Variants in DDX10 observed in about 807,000 individuals in gnomAD.
DDX10 encodes probable ATP-dependent RNA helicase DDX10.
In DDX10, 74 loss-of-function variants were observed where a neutral mutation model predicts 104.3. The observed-to-expected ratio is 0.71, with a 90% CI of 0.59 to 0.86. The LOEUF (loss-of-function observed/expected upper bound fraction) is 0.86. DDX10 is among the 40% of genes least tolerant of loss of function. The pLI, the probability that DDX10 is intolerant of heterozygous loss-of-function variation, is 0.00. For missense variants in DDX10, 952 were observed against 1,040.0 expected (o/e 0.92, Z 1.16); for synonymous variants, 351 against 353.4 (o/e 0.99, Z 0.08).
intron 13 of DDX10, among the ~76,000 whole-genome samples, chr11:108,766,883 A>G (rs2094357006): frequency 6.6e-6 from 1 of 152,196 alleles, no homozygotes; most frequent in South Asian, 2.1e-4. Flanking sequence ...TGCAGCCATC[A>G]GGACTTTAGG....
intron 1 of DDX10, 25 bp from the exon 2 acceptor site, chr11:108,673,442 C>T: frequency 6.7e-7 from 1 of 1,498,242 alleles, no homozygotes; most frequent in Non-Finnish European, 9.3e-7. Flanking sequence ...ATGAGTTACC[C>T]TGATTCCTTT....
chr11:108,678,906 T>TTA (rs1390294879), intron 5 of DDX10, among the ~76,000 whole-genome samples: 1 of 146,488 alleles, frequency 6.8e-6, no homozygotes, highest in African/African-American at 2.6e-5. Flanking sequence ...TATACAGAGT[T>TTA]TCGCTCTGTT....
intron 16 of DDX10, among the ~76,000 whole-genome samples, chr11:108,882,527 C>T (rs1863240743): frequency 6.6e-6 from 1 of 152,174 alleles, no homozygotes; most frequent in Admixed American, 6.5e-5. Context: ...TGTGAAGAAA[C>T]ATGTTTTAAA....
intron 14 of DDX10, among the ~76,000 whole-genome samples, chr11:108,840,585 C>T (rs1862623597): frequency 6.6e-6 from 1 of 152,168 alleles, no homozygotes; most frequent in Non-Finnish European, 1.5e-5. Flanking sequence ...GACAGGTCCC[C>T]TCATTAGCAG....
chr11:108,820,356 A>AT (rs1263808963), intron 13 of DDX10, among the ~76,000 whole-genome samples: 13 of 152,224 alleles, frequency 8.5e-5, no homozygotes, highest in Admixed American at 1.3e-4. Context: ...GGAAAAGGGA[A>AT]TATTTACAAA....
intron 16 of DDX10, among the ~76,000 whole-genome samples, chr11:108,865,426 T>A (rs1862996907): frequency 6.6e-6 from 1 of 152,182 alleles, no homozygotes; most frequent in Admixed American, 6.5e-5. Flanking sequence ...CATGTAATAT[T>A]TTTGAGGTGT....
intron 10 of DDX10, among the ~76,000 whole-genome samples, chr11:108,713,052 A>G (rs555184552): frequency 9.2e-5 from 14 of 152,234 alleles, no homozygotes; most frequent in East Asian, 3.9e-4. Flanking sequence ...TTGTTCCTCT[A>G]TAGATGAGGT....
chr11:108,710,965 A>G (rs911147499), intron 10 of DDX10, among the ~76,000 whole-genome samples: 1 of 152,176 alleles, frequency 6.6e-6, no homozygotes, highest in African/African-American at 2.4e-5. Context: ...AGGTCTCACT[A>G]TGTTGCTGAG....
intron 16 of DDX10, among the ~76,000 whole-genome samples, chr11:108,897,602 C>T (rs752886890): frequency 3.9e-5 from 6 of 151,958 alleles, no homozygotes; most frequent in East Asian, 1.9e-4. Flanking sequence ...GATGGAGTGG[C>T]GTTCTTTGCA....
intron 16 of DDX10, among the ~76,000 whole-genome samples, chr11:108,872,541 C>T (rs1009888620): frequency 6.6e-6 from 1 of 152,132 alleles, no homozygotes; most frequent in African/African-American, 2.4e-5. Context: ...ATATTCTCCC[C>T]AGGTTTAGAC....
At chr11:108,891,870 A>G (rs1284464241) in intron 16 of DDX10, among the ~76,000 whole-genome samples, 1 of 150,586 alleles carries the variant, frequency 6.6e-6, no homozygotes, top group Non-Finnish European at 1.5e-5. Context: ...TGAAGAGCTA[A>G]CAGGGTAGTA....
intron 13 of DDX10, among the ~76,000 whole-genome samples, chr11:108,831,153 C>T (rs1462569298): frequency 6.6e-6 from 1 of 152,056 alleles, no homozygotes; most frequent in East Asian, 1.9e-4. Flanking sequence ...CGCCTGTAAT[C>T]CCAGCACTTT....
chr11:108,726,612 T>A (rs1450667687), intron 13 of DDX10, among the ~76,000 whole-genome samples: 3 of 152,096 alleles, frequency 2.0e-5, no homozygotes, highest in Non-Finnish European at 4.4e-5. Context: ...TGTAACTGAT[T>A]ATGAGGTTTG....
chr11:108,758,407 T>A (rs2094347015), intron 13 of DDX10, among the ~76,000 whole-genome samples: 1 of 152,082 alleles, frequency 6.6e-6, no homozygotes, highest in Non-Finnish European at 1.5e-5. Context: ...ATCTGTATCA[T>A]GGAGAAAATG....
chr11:108,794,057 A>G (rs1243272207), intron 13 of DDX10, among the ~76,000 whole-genome samples: 1 of 152,136 alleles, frequency 6.6e-6, no homozygotes, highest in African/African-American at 2.4e-5. Flanking sequence ...TGTATAGCAC[A>G]TATTCTTCAT....
At chr11:108,907,948 T>C (rs992010217) in intron 16 of DDX10, among the ~76,000 whole-genome samples, 15 of 152,240 alleles carry the variant, frequency 9.9e-5, no homozygotes, top group Admixed American at 5.9e-4. Context: ...GGCCAGGCTG[T>C]TAAAATTTAA....
At chr11:108,772,077 C>T (rs1357654536) in intron 13 of DDX10, among the ~76,000 whole-genome samples, 2 of 152,310 alleles carry the variant, frequency 1.3e-5, no homozygotes, top group South Asian at 2.1e-4. Flanking sequence ...GTGACTCAAC[C>T]TCACAAGTGT....
intron 13 of DDX10, among the ~76,000 whole-genome samples, chr11:108,753,932 A>G (rs895980396): frequency 1.3e-5 from 2 of 152,002 alleles, no homozygotes; most frequent in South Asian, 2.1e-4. Context: ...TCGGGTGTGT[A>G]TATATAAAGT....
intron 16 of DDX10, among the ~76,000 whole-genome samples, chr11:108,880,672 G>A (rs2726905): frequency 0.89 from 136,110 of 152,222 alleles, 61,341 homozygotes; most frequent in East Asian, 0.96. Context: ...AAGTAACATC[G>A]TATACCCTAG....
Sources: allele counts gnomAD v4.1 joint callset (sites outside exome capture counted in the v4.1 genomes callset), GRCh38; gene constraint gnomAD v4.1.1; transcripts MANE v1.5; gene names NCBI Gene and HGNC (gene_info 2026-07-23, HGNC 2026-07-21).